Variants in VPS13B observed in about 807,000 individuals in gnomAD.
VPS13B encodes intermembrane lipid transfer protein VPS13B.
Under a neutral mutation model 426.4 loss-of-function variants are expected in VPS13B, and 285 were observed. That is an observed-to-expected ratio of 0.67 (90% CI 0.61 to 0.74). VPS13B has a LOEUF of 0.74. Among genes scored for constraint, VPS13B ranks in the 30% least tolerant of loss-of-function variants. The pLI is 0.00. For synonymous variants in VPS13B, 1,676 were observed against 1,676.4 expected (o/e 1.00, Z 0.01); for missense variants, 4,537 against 4,782.6 (o/e 0.95, Z 1.51).
At chr8:99,042,591 C>T (rs920305508) in intron 3 of VPS13B, among the ~76,000 whole-genome samples, 1 of 152,086 alleles carries the variant, frequency 6.6e-6, no homozygotes, top group African/African-American at 2.4e-5. Context: ...TTTCTGTTTC[C>T]CATAAGCACG....
intron 17 of VPS13B, among the ~76,000 whole-genome samples, chr8:99,213,489 G>T (rs1815218271): frequency 1.3e-5 from 2 of 152,000 alleles, no homozygotes; most frequent in South Asian, 4.2e-4. Flanking sequence ...GACTTGACCT[G>T]CTTTTTAGAT....
intron 39 of VPS13B, among the ~76,000 whole-genome samples, chr8:99,743,874 A>G (rs1809906205): frequency 1.3e-5 from 2 of 152,290 alleles, no homozygotes; most frequent in South Asian, 2.1e-4. Flanking sequence ...ATAAAAACCC[A>G]GAAGAAAACC....
chr8:99,243,170 A>T (rs1425138545), intron 17 of VPS13B, among the ~76,000 whole-genome samples: 2 of 152,238 alleles, frequency 1.3e-5, no homozygotes, highest in Non-Finnish European at 2.9e-5. Context: ...CTGACAAAAT[A>T]TACAATTACT....
chr8:99,712,841 ATTT>A (rs558416014), intron 36 of VPS13B, among the ~76,000 whole-genome samples: 9 of 151,268 alleles, frequency 5.9e-5, no homozygotes, highest in Middle Eastern at 3.4e-3. Context: ...CAAGTCTGGA[ATTT>A]TTTTTTCATT....
intron 56 of VPS13B, among the ~76,000 whole-genome samples, chr8:99,854,777 G>A (rs572113850): frequency 6.6e-6 from 1 of 152,124 alleles, no homozygotes; most frequent in Non-Finnish European, 1.5e-5. Flanking sequence ...AAATTCAGAG[G>A]ATTTGTGTGC....
chr8:99,062,591 C>A (rs904366572), intron 3 of VPS13B, among the ~76,000 whole-genome samples: 2 of 152,162 alleles, frequency 1.3e-5, no homozygotes, highest in African/African-American at 4.8e-5. Flanking sequence ...GCCTCAGCCT[C>A]CCGAGTAGCT....
intron 17 of VPS13B, among the ~76,000 whole-genome samples, chr8:99,232,273 A>G (rs940552230): frequency 3.9e-5 from 6 of 152,194 alleles, no homozygotes; most frequent in Admixed American, 6.5e-5. Flanking sequence ...TTTAAAACCC[A>G]TGAAGCAAAG....
chr8:99,640,502 A>G (rs1829315325), intron 33 of VPS13B, among the ~76,000 whole-genome samples: 1 of 152,074 alleles, frequency 6.6e-6, no homozygotes, highest in Non-Finnish European at 1.5e-5. Flanking sequence ...CCCTGGTCTC[A>G]AGCAGTCTTC....
intron 39 of VPS13B, among the ~76,000 whole-genome samples, chr8:99,755,992 T>C (rs1478753358): frequency 3.3e-5 from 5 of 151,928 alleles, no homozygotes; most frequent in Admixed American, 6.6e-5. Flanking sequence ...AAGCGATCAA[T>C]AGAAATTGTC....
chr8:99,623,761 T>TC, intron 33 of VPS13B, among the ~76,000 whole-genome samples: 1 of 152,222 alleles, frequency 6.6e-6, no homozygotes, highest in Admixed American at 6.5e-5. Flanking sequence ...TTGGCTGAGA[T>TC]CAAGTGTAGG....
Position 99,228,130 on chromosome 8 carries a change from T to TA in VPS13B, c.2515+35080dup, listed in dbSNP as rs1243198303. Among the ~76,000 whole-genome samples the TA allele has an allele frequency of 2.0e-4, 31 of 152,294 alleles. 1 individual carries two copies. The South Asian group carries it at 3.7e-3, about 18-fold the overall frequency. On this transcript the variant is annotated intron_variant, in intron 17 of 61. Transcript: ENST00000357162. ...AATGCCCATTTTAACATACTGAATTTAAAAAAATAAAATGGCTTAACTGTT... is the reference window on the plus strand; with the variant it reads ...AATGCCCATTTTAACATACTGAATTTAAAAAAAATAAAATGGCTTAACTGTT...
At chr8:99,330,103 T>A (rs953242781) in intron 19 of VPS13B, among the ~76,000 whole-genome samples, 1 of 152,006 alleles carries the variant, frequency 6.6e-6, no homozygotes, top group Non-Finnish European at 1.5e-5. Flanking sequence ...AGGCATGTCT[T>A]CCAAGGATTT....
chr8:99,839,263 GT>G (rs1815554450), intron 54 of VPS13B, among the ~76,000 whole-genome samples: 1 of 152,186 alleles, frequency 6.6e-6, no homozygotes, highest in African/African-American at 2.4e-5. Flanking sequence ...CAAATGGATT[GT>G]TTTGTGGGGA....
At chr8:99,192,480 A>C (rs942708159) in intron 16 of VPS13B, among the ~76,000 whole-genome samples, 3 of 152,178 alleles carry the variant, frequency 2.0e-5, no homozygotes, top group Non-Finnish European at 4.4e-5. Context: ...CCTCCCTCAT[A>C]GAGTTATTAT....
intron 19 of VPS13B, among the ~76,000 whole-genome samples, chr8:99,297,856 T>C (rs1820129459): frequency 6.6e-6 from 1 of 152,222 alleles, no homozygotes; most frequent in Non-Finnish European, 1.5e-5. Flanking sequence ...TTCCTCATTT[T>C]AAGTGACATT....
chr8:99,063,584 G>A (rs1380304769), intron 3 of VPS13B, among the ~76,000 whole-genome samples: 1 of 152,216 alleles, frequency 6.6e-6, no homozygotes, highest in African/African-American at 2.4e-5. Context: ...TGAACTGGGT[G>A]GAGCCAACCA....
intron 8 of VPS13B, among the ~76,000 whole-genome samples, chr8:99,122,007 G>A (rs576889550): frequency 6.7e-6 from 1 of 150,228 alleles, no homozygotes; most frequent in African/African-American, 2.4e-5. Flanking sequence ...ACGTGCCACT[G>A]TGCCCAGCTA....
intron 19 of VPS13B, among the ~76,000 whole-genome samples, chr8:99,355,727 C>T (rs1812148351): frequency 6.6e-6 from 1 of 152,108 alleles, no homozygotes; most frequent in South Asian, 2.1e-4. Flanking sequence ...GCTTGGTTGT[C>T]TTACTGTTTT....
At position 99,818,848 on chromosome 8, in the gene VPS13B, A is replaced by G; in HGVS notation, c.8581A>G (p.Ile2861Val). 2 of 1,613,966 alleles carry G rather than the reference A, an allele frequency of 1.2e-6. No homozygotes were observed. Among genetic ancestry groups the G allele is most frequent in the Non-Finnish European group, 1.7e-6 (2 of 1,179,946 alleles). ...AGGGCAGGAAAAACCACTGCAAAACATAGAACCTGACCTTGTACATCACCT... is the reference window on the plus strand; with the variant it reads ...AGGGCAGGAAAAACCACTGCAAAACGTAGAACCTGACCTTGTACATCACCT... ...GKGQEKPLQN[I>V]EPDLVHHLTF... The change falls in exon 47 of 62, where the codon ATA becomes GTA. Residue 2861 changes from isoleucine to valine, a missense_variant. Transcript: ENST00000357162.
Sources: gnomAD v4.1 joint callset for allele counts (sites outside exome capture counted in the v4.1 genomes callset) on GRCh38, gnomAD v4.1.1 for gene constraint, MANE v1.5 for transcripts, NCBI Gene and HGNC (gene_info 2026-07-23, HGNC 2026-07-21) for gene names.